SLC4A10: variants seen among roughly 807,000 people sequenced by gnomAD.
SLC4A10 encodes the protein solute carrier family 4 member 10, also known as sodium-driven chloride bicarbonate exchanger.
In SLC4A10, 42 loss-of-function variants were observed where a neutral mutation model predicts 137.7. That is an observed-to-expected ratio of 0.30 (90% CI 0.24 to 0.39). The LOEUF (loss-of-function observed/expected upper bound fraction) is 0.39. Ranked by LOEUF, SLC4A10 falls within the 10% of genes least tolerant of loss-of-function variation. SLC4A10 has a pLI of 1.00. For synonymous variants in SLC4A10, 474 were observed against 464.1 expected, an observed-to-expected ratio of 1.02 and a Z score of -0.27; for missense variants, 925 against 1,355.0, an observed-to-expected ratio of 0.68 and a Z score of 4.98.
intron 8 of SLC4A10, among the ~76,000 whole-genome samples, chr2:161,878,860 A>G (rs2061585977): frequency 6.6e-6 from 1 of 152,128 alleles, no homozygotes; most frequent in Non-Finnish European, 1.5e-5. Context: ...TCCCTGTCTA[A>G]AATTTCAAGA....
chr2:161,632,494 A>G (rs1318689264), intron 1 of SLC4A10, among the ~76,000 whole-genome samples: 1 of 151,674 alleles, frequency 6.6e-6, no homozygotes, highest in East Asian at 1.9e-4. Context: ...AATATAATTT[A>G]TTTTAGTGCA....
intron 4 of SLC4A10, among the ~76,000 whole-genome samples, chr2:161,851,014 T>C (rs2059799918): frequency 2.0e-5 from 3 of 152,328 alleles, no homozygotes; most frequent in South Asian, 4.1e-4. Flanking sequence ...TGTAATTGTA[T>C]GCTTTTGAGA....
intron 21 of SLC4A10, among the ~76,000 whole-genome samples, chr2:161,962,741 C>T (rs185158707): frequency 1.6e-4 from 24 of 152,140 alleles, no homozygotes; most frequent in African/African-American, 5.3e-4. Flanking sequence ...GAAAGGAAGG[C>T]CATGTCATGC....
rs539507500 is a variant in SLC4A10 at position 161,722,132 on chromosome 2, T to C, written c.49-48841T>C. Reference sequence around the variant, plus strand: ...TTTGCATTGGGTTAGAACGTACTCCTTTAGCTTGGTGAAATTTGTTATTAC... The same window carrying C: ...TTTGCATTGGGTTAGAACGTACTCCCTTAGCTTGGTGAAATTTGTTATTAC... On this transcript the variant is annotated intron_variant, in intron 1 of 26. Transcript: ENST00000446997. Among the ~76,000 whole-genome samples the C allele has an allele frequency of 2.0e-5, 3 of 152,336 alleles. No individual in the cohort carries two copies. The South Asian group carries it at 6.2e-4, about 32-fold the overall frequency.
chr2:161,666,174 G>A (rs1370846807), intron 1 of SLC4A10, among the ~76,000 whole-genome samples: 1 of 151,476 alleles, frequency 6.6e-6, no homozygotes, highest in Non-Finnish European at 1.5e-5. Context: ...TGAAAAAGCT[G>A]TATTAGTCAA....
chr2:161,734,905 TCTC>T (rs1353919952), intron 1 of SLC4A10, among the ~76,000 whole-genome samples: 1 of 152,040 alleles, frequency 6.6e-6, no homozygotes, highest in African/African-American at 2.4e-5. Context: ...CACATACTCT[TCTC>T]ATGATAGTGA....
At chr2:161,946,923 G>A (rs77902933) in intron 16 of SLC4A10, among the ~76,000 whole-genome samples, 2,002 of 152,180 alleles carry the variant, frequency 0.013, 40 homozygotes, top group East Asian at 0.099. Flanking sequence ...GTCATTGTAT[G>A]TCATAGTTTT....
chr2:161,726,665 T>C (rs1370316842), intron 1 of SLC4A10, among the ~76,000 whole-genome samples: 1 of 152,180 alleles, frequency 6.6e-6, no homozygotes, highest in East Asian at 1.9e-4. Context: ...TCCCAGCACT[T>C]TGGGAGGCCG....
At chr2:161,901,403 T>C (rs1022804087) in intron 12 of SLC4A10, among the ~76,000 whole-genome samples, 2 of 152,230 alleles carry the variant, frequency 1.3e-5, no homozygotes, top group African/African-American at 2.4e-5. Flanking sequence ...GCAAGTAGGA[T>C]GTATATAGTG....
At chr2:161,860,387 G>T (rs192117610) in intron 5 of SLC4A10, among the ~76,000 whole-genome samples, 16 of 152,162 alleles carry the variant, frequency 1.1e-4, no homozygotes, top group African/African-American at 3.9e-4. Context: ...CATATGTAGG[G>T]TTTATTATGT....
intron 6 of SLC4A10, among the ~76,000 whole-genome samples, chr2:161,867,700 T>A (rs1014516511): frequency 8.5e-4 from 129 of 152,044 alleles, no homozygotes; most frequent in African/African-American, 3.0e-3. Context: ...ATTGTTTGCA[T>A]ACTTCTCATG....
At chr2:161,801,080 T>C (rs2055320815) in intron 2 of SLC4A10, among the ~76,000 whole-genome samples, 1 of 152,016 alleles carries the variant, frequency 6.6e-6, no homozygotes, top group South Asian at 2.1e-4. Context: ...AGAACAAAGG[T>C]AATTTTTACC....
chr2:161,719,498 A>G (rs1157729307), intron 1 of SLC4A10, among the ~76,000 whole-genome samples: 1 of 152,122 alleles, frequency 6.6e-6, no homozygotes, highest in Non-Finnish European at 1.5e-5. Context: ...CAATGGTTGA[A>G]CTAGTTTACA....
intron 5 of SLC4A10, 135 bp from the exon 6 acceptor site, chr2:161,862,739 T>C: frequency 1.6e-6 from 1 of 644,612 alleles, no homozygotes; most frequent in African/African-American, 1.9e-5. Flanking sequence ...TGCTTAGAGA[T>C]TTTTTAAAGA....
chr2:161,882,491 C>A, intron 10 of SLC4A10, 47 bp downstream of exon 10: 1 of 1,327,740 alleles, frequency 7.5e-7, no homozygotes, highest in Non-Finnish European at 1.0e-6. Context: ...TTAGGTATAC[C>A]TAAAACTTTT....
chr2:161,962,572 A>G (rs1443254400), intron 21 of SLC4A10, among the ~76,000 whole-genome samples: 3 of 152,210 alleles, frequency 2.0e-5, no homozygotes, highest in Non-Finnish European at 4.4e-5. Flanking sequence ...TGACATGTAC[A>G]TGGACAGAAT....
intron 15 of SLC4A10, among the ~76,000 whole-genome samples, chr2:161,907,523 A>C (rs1386998134): frequency 1.3e-5 from 2 of 152,204 alleles, no homozygotes; most frequent in African/African-American, 4.8e-5. Context: ...CTTCCAGTTT[A>C]GTAGGGAATG....
chr2:161,918,546 A>G (rs1687544050), intron 15 of SLC4A10, among the ~76,000 whole-genome samples: 1 of 152,234 alleles, frequency 6.6e-6, no homozygotes, highest in Admixed American at 6.5e-5. Context: ...ATGAGGTTAC[A>G]TAGTGTCTTA....
chr2:161,924,322 A>T (rs1454608454), intron 15 of SLC4A10, among the ~76,000 whole-genome samples: 2 of 152,106 alleles, frequency 1.3e-5, no homozygotes, highest in African/African-American at 4.8e-5. Context: ...CATAAGAAGT[A>T]AGTAGTCAGA....
Sources: allele counts gnomAD v4.1 joint callset (sites outside exome capture counted in the v4.1 genomes callset), GRCh38; gene constraint gnomAD v4.1.1; transcripts MANE v1.5; gene names NCBI Gene and HGNC (gene_info 2026-07-23, HGNC 2026-07-21).